TSPAN18: variants seen among roughly 807,000 people sequenced by gnomAD.
TSPAN18 encodes tetraspanin-18.
In TSPAN18, 14 loss-of-function variants were observed where a neutral mutation model predicts 27.3. That is an observed-to-expected ratio of 0.51 (90% CI 0.34 to 0.80). The LOEUF (loss-of-function observed/expected upper bound fraction) is 0.80, where lower values mean the gene tolerates loss of function less well. Among genes scored for constraint, TSPAN18 ranks in the 30% least tolerant of loss-of-function variants. TSPAN18 has a pLI of 0.01. For missense variants in TSPAN18, 268 were observed against 323.9 expected, an observed-to-expected ratio of 0.83 and a Z score of 1.32; for synonymous variants, 143 against 136.5, an observed-to-expected ratio of 1.05 and a Z score of -0.33.
At chr11:44,887,941 C>T (rs966502052) in intron 3 of TSPAN18, among the ~76,000 whole-genome samples, 3 of 152,126 alleles carry the variant, frequency 2.0e-5, no homozygotes, top group Non-Finnish European at 4.4e-5. Context: ...AACAGCCCTG[C>T]ATATTTTGGG....
rs539816645 is a variant in TSPAN18, at chr11:44,770,051, G to A, written c.-153+5539G>A. Among the ~76,000 whole-genome samples the A allele has an allele frequency of 4.1e-4, 63 of 152,200 alleles. 1 individual carries two copies. Among genetic ancestry groups the A allele is most frequent in the Non-Finnish European group, 8.7e-4 (59 of 68,044 alleles). On this transcript the variant is annotated intron_variant, in intron 2 of 9. Coordinates refer to ENST00000520358, the MANE Select transcript of TSPAN18 (RefSeq NM_130783.5). ...GTTGGCTTGAGGGCAAAGGTCAAAT[G>A]TGAGTACACATTCATTTATTCAGCA...
intron 1 of TSPAN18, among the ~76,000 whole-genome samples, chr11:44,743,576 G>A (rs1055287022): frequency 6.6e-6 from 1 of 152,208 alleles, no homozygotes; most frequent in Non-Finnish European, 1.5e-5. Flanking sequence ...CCGAGTCCTC[G>A]GAAGTTTGAG....
chr11:44,805,846 G>T (rs979375520), intron 2 of TSPAN18, among the ~76,000 whole-genome samples: 2 of 151,880 alleles, frequency 1.3e-5, no homozygotes, highest in East Asian at 3.9e-4. Context: ...TCATGACATG[G>T]CCATCTTCCC....
rs1410081276 is a variant in TSPAN18, at chr11:44,861,548, C to T, written c.-11+1079C>T. ...TGGGTTGGGGAAGTCAGCCTGAATGCATGAGAGGGGATGGACTTGCAAGGG... is the reference window on the plus strand; with the variant it reads ...TGGGTTGGGGAAGTCAGCCTGAATGTATGAGAGGGGATGGACTTGCAAGGG... On this transcript the variant is annotated intron_variant, in intron 3 of 9. Transcript: ENST00000520358. Among the ~76,000 whole-genome samples, 3 of 104,420 alleles carry T rather than the reference C, an allele frequency of 2.9e-5. No homozygotes were observed. In the East Asian group the frequency reaches 1.4e-3, roughly 49 times the overall value. 68.5% of individuals were successfully genotyped at this position (104,420 alleles called of 152,430 possible). A position where few individuals can be genotyped will look rare whatever the true frequency, so the allele number is the denominator to read the frequency against.
intron 2 of TSPAN18, among the ~76,000 whole-genome samples, chr11:44,842,783 A>G (rs780985982): frequency 1.3e-5 from 2 of 152,234 alleles, no homozygotes; most frequent in Non-Finnish European, 2.9e-5. Context: ...AGTAAAATGT[A>G]TAAATCTTCA....
At chr11:44,760,593 C>T (rs1206258697) in intron 1 of TSPAN18, among the ~76,000 whole-genome samples, 6 of 152,182 alleles carry the variant, frequency 3.9e-5, no homozygotes, top group Admixed American at 2.6e-4. Flanking sequence ...ATTAAAGTTT[C>T]TCATCTGGGC....
At chr11:44,780,152 G>C (rs1288274489) in intron 2 of TSPAN18, among the ~76,000 whole-genome samples, 2 of 151,896 alleles carry the variant, frequency 1.3e-5, no homozygotes, top group Non-Finnish European at 2.9e-5. Flanking sequence ...TTTTCCTTCA[G>C]ATTCATTCAC....
intron 1 of TSPAN18, among the ~76,000 whole-genome samples, chr11:44,739,701 A>AAT (rs1463304190): frequency 6.6e-6 from 1 of 152,240 alleles, no homozygotes; most frequent in Admixed American, 6.5e-5. Flanking sequence ...ATAGCAAGAG[A>AAT]ATATGGAAAT....
chr11:44,779,462 G>A (rs1047196202), intron 2 of TSPAN18, among the ~76,000 whole-genome samples: 10 of 152,278 alleles, frequency 6.6e-5, no homozygotes, highest in Middle Eastern at 3.4e-3. Flanking sequence ...CCCTGGAGAA[G>A]GTTAATGGGA....
At chr11:44,891,705 T>C (rs542147977) in intron 3 of TSPAN18, among the ~76,000 whole-genome samples, 107 of 152,044 alleles carry the variant, frequency 7.0e-4, no homozygotes, top group Non-Finnish European at 1.3e-3. Context: ...CCTGAGGGAC[T>C]AGGACACAGG....
At chr11:44,893,473 G>A (rs187865174) in intron 3 of TSPAN18, among the ~76,000 whole-genome samples, 7 of 152,316 alleles carry the variant, frequency 4.6e-5, no homozygotes, top group Admixed American at 1.3e-4. Context: ...TTATGAGACC[G>A]TCTGTCTTGG....
At chr11:44,847,781 G>T (rs1010842017) in intron 2 of TSPAN18, among the ~76,000 whole-genome samples, 2 of 151,896 alleles carry the variant, frequency 1.3e-5, no homozygotes, top group Admixed American at 6.5e-5. Flanking sequence ...GATGGGAAGG[G>T]GTTTGAAGAT....
chr11:44,923,050 G>C (rs112452755), intron 8 of TSPAN18, among the ~76,000 whole-genome samples: 1,868 of 152,232 alleles, frequency 0.012, 43 homozygotes, highest in African/African-American at 0.043. Flanking sequence ...CGGAGGTTGC[G>C]GTGAGCTGAG....
chr11:44,924,752 G>A (rs1191588392), intron 8 of TSPAN18, among the ~76,000 whole-genome samples: 1 of 150,334 alleles, frequency 6.7e-6, no homozygotes, highest in African/African-American at 2.5e-5. Context: ...CGCTTCACAT[G>A]GGAGGGGGGA....
intron 2 of TSPAN18, among the ~76,000 whole-genome samples, chr11:44,776,954 G>C (rs948555243): frequency 3.9e-5 from 6 of 152,198 alleles, no homozygotes; most frequent in African/African-American, 1.4e-4. Context: ...TGGGCAGCCT[G>C]GGGAGGAGAA....
intron 2 of TSPAN18, among the ~76,000 whole-genome samples, chr11:44,765,550 T>G (rs1010769377): frequency 3.9e-5 from 6 of 152,174 alleles, no homozygotes; most frequent in Non-Finnish European, 8.8e-5. Flanking sequence ...TTCTGTCCTC[T>G]CATCTGTCAT....
chr11:44,775,538 C>T (rs1454278614), intron 2 of TSPAN18, among the ~76,000 whole-genome samples: 1 of 152,142 alleles, frequency 6.6e-6, no homozygotes, highest in Non-Finnish European at 1.5e-5. Flanking sequence ...CGTTTCATTG[C>T]CAGCCTCCTT....
chr11:44,860,471 T>TA lies in TSPAN18; in HGVS notation c.-11+4dup, dbSNP rs969303181. On this transcript the variant is annotated splice_region_variant and intron_variant, in intron 3 of 9. Transcript: ENST00000520358. ...GACATCTCAACGCTGGCTCTCCAGG[T>TA]AACAGAGGTTAGGCTCATTCAGCAA... The TA allele has an allele frequency of 1.3e-4, 18 of 143,178 alleles. No individual in the cohort carries two copies. The highest frequency in any genetic ancestry group is 4.6e-4 in the African/African-American group (18 of 38,922). The allele number at this position is 143,178 out of a possible 1,614,324, so 8.9% of individuals were successfully genotyped here. A position where few individuals can be genotyped will look rare whatever the true frequency, so the allele number is the denominator to read the frequency against.
intron 3 of TSPAN18, among the ~76,000 whole-genome samples, chr11:44,893,322 C>T (rs1271011063): frequency 6.6e-6 from 1 of 152,238 alleles, no homozygotes; most frequent in Non-Finnish European, 1.5e-5. Context: ...ATTGCATCCA[C>T]AGCAGGCTGT....
Sources: gnomAD v4.1 joint callset for allele counts (sites outside exome capture counted in the v4.1 genomes callset) on GRCh38, gnomAD v4.1.1 for gene constraint, MANE v1.5 for transcripts, NCBI Gene and HGNC (gene_info 2026-07-23, HGNC 2026-07-21) for gene names.